Variants in ADAM12 observed in about 807,000 individuals in gnomAD.
ADAM12 encodes ADAM metallopeptidase domain 12.
Under a neutral mutation model 106.4 loss-of-function variants are expected in ADAM12, and 70 were observed. The observed-to-expected ratio is 0.66, with a 90% CI of 0.54 to 0.80. The LOEUF (loss-of-function observed/expected upper bound fraction) is 0.80. Ranked by LOEUF, ADAM12 falls within the 30% of genes least tolerant of loss-of-function variation. ADAM12 has a pLI of 0.00. For missense variants in ADAM12, 1,010 were observed against 1,171.9 expected (o/e 0.86, Z 2.02); for synonymous variants, 420 against 433.5 (o/e 0.97, Z 0.39).
At chr10:126,251,915 GAT>G (rs1958781484) in intron 3 of ADAM12, among the ~76,000 whole-genome samples, 1 of 119,548 alleles carries the variant, frequency 8.4e-6, no homozygotes, top group Admixed American at 8.5e-5. Context: ...AGGATGGATG[GAT>G]GGGATGGATA....
At position 126,049,202 on chromosome 10, in the gene ADAM12, G is replaced by A. The variant is rs1954406064; in HGVS notation, c.1917+51C>T. ...ACCCAGTTCTTGCTGTTTTTCAATG[G>A]GCCCTGTTCCAGACTTACATTTATG... On this transcript the variant is annotated intron_variant, in intron 16 of 22. Transcript: ENST00000448723. This position sits in a 1 kb window ranked among gnomAD's most constrained non-coding sequence, Gnocchi z 4.4. 6.3e-7 allele frequency: 1 copy of A among 1,599,214 alleles called. No individual in the cohort carries two copies.
intron 11 of ADAM12, among the ~76,000 whole-genome samples, chr10:126,089,748 G>A (rs973299433): frequency 1.3e-5 from 2 of 151,912 alleles, no homozygotes; most frequent in Non-Finnish European, 2.9e-5. Context: ...TGGCAGCAAG[G>A]TGTCCCCACA....
intron 3 of ADAM12, among the ~76,000 whole-genome samples, chr10:126,184,113 T>C (rs1312158007): frequency 6.6e-6 from 1 of 152,220 alleles, no homozygotes; most frequent in East Asian, 1.9e-4. Context: ...TGTGTCCCAT[T>C]GAAAGCAGAA....
chr10:126,214,760 T>C (rs1227793134), intron 3 of ADAM12, among the ~76,000 whole-genome samples: 1 of 152,242 alleles, frequency 6.6e-6, no homozygotes, highest in East Asian at 1.9e-4. Flanking sequence ...ATGACTCAGC[T>C]TGGAGTCCTA....
intron 11 of ADAM12, among the ~76,000 whole-genome samples, chr10:126,093,000 C>T (rs1303135051): frequency 3.3e-5 from 5 of 152,230 alleles, no homozygotes; most frequent in East Asian, 1.9e-4. Flanking sequence ...CCTCACACCA[C>T]GCTTGTCCCC....
chr10:126,337,394 T>A (rs1301656418), intron 1 of ADAM12, among the ~76,000 whole-genome samples: 1 of 152,156 alleles, frequency 6.6e-6, no homozygotes, highest in Non-Finnish European at 1.5e-5. Flanking sequence ...AAGTCACTGG[T>A]GCAAGTCCCA....
rs1196245312 is a variant in ADAM12 at position 126,271,701 on chromosome 10, G to T, written c.260+7214C>A. On this transcript the variant is annotated intron_variant, in intron 3 of 22. Coordinates refer to ENST00000448723, the MANE Select transcript of ADAM12 (RefSeq NM_001288973.2). ...GATCACCTGAGCCCAGAGCAGTCAA[G>T]GCTGCAGTGAGCTGTGATTCCACAA... Among the ~76,000 whole-genome samples, 3 of 152,348 alleles carry T rather than the reference G, an allele frequency of 2.0e-5. No homozygotes were observed. The East Asian group carries it at 5.8e-4, about 29-fold the overall frequency.
chr10:126,068,483 G>A (rs1421402406), intron 12 of ADAM12, among the ~76,000 whole-genome samples: 3 of 152,208 alleles, frequency 2.0e-5, no homozygotes, highest in African/African-American at 7.2e-5. Flanking sequence ...GATAATGTGA[G>A]AAAGATAACT....
At chr10:126,367,929 C>A (rs1227898257) in intron 1 of ADAM12, among the ~76,000 whole-genome samples, 4 of 151,734 alleles carry the variant, frequency 2.6e-5, no homozygotes, top group Non-Finnish European at 1.5e-5. Context: ...ACTTATGAGG[C>A]CAGTATAACC....
chr10:126,117,391 C>T (rs956643770), intron 6 of ADAM12, among the ~76,000 whole-genome samples: 3 of 152,128 alleles, frequency 2.0e-5, no homozygotes, highest in African/African-American at 7.2e-5. Flanking sequence ...TCAGCAGATC[C>T]AGGGGCTGGT....
chr10:126,202,043 G>C (rs1957711977), intron 3 of ADAM12, among the ~76,000 whole-genome samples: 1 of 152,218 alleles, frequency 6.6e-6, no homozygotes, highest in Admixed American at 6.5e-5. Context: ...AGGATGTACA[G>C]CACCAGTGCC....
chr10:126,230,642 A>G lies in ADAM12; in HGVS notation c.260+48273T>C, dbSNP rs577932634. ...TGAATTTTCATTTAAGTATAAATCA[A>G]TTGGAATGTTTTCCCACATATTCAT... On this transcript the variant is annotated intron_variant, in intron 3 of 22. Transcript: ENST00000448723. Among the ~76,000 whole-genome samples the G allele has an allele frequency of 4.6e-5, 7 of 152,340 alleles. No homozygotes were observed. In the South Asian group the frequency reaches 1.0e-3, roughly 23 times the overall value.
At chr10:126,110,066 A>G (rs1955842808) in intron 6 of ADAM12, among the ~76,000 whole-genome samples, 1 of 152,148 alleles carries the variant, frequency 6.6e-6, no homozygotes, top group Non-Finnish European at 1.5e-5. Flanking sequence ...AAAACCCTTA[A>G]AAAGGAGTTT....
intron 2 of ADAM12, among the ~76,000 whole-genome samples, chr10:126,329,914 A>G (rs1854442790): frequency 6.6e-6 from 1 of 152,184 alleles, no homozygotes; most frequent in African/African-American, 2.4e-5. Flanking sequence ...CAAGATATTA[A>G]ATTTAATCAC....
intron 3 of ADAM12, among the ~76,000 whole-genome samples, chr10:126,266,249 T>G (rs1959094854): frequency 6.6e-6 from 1 of 152,148 alleles, no homozygotes; most frequent in Non-Finnish European, 1.5e-5. Context: ...CTCCCATTGC[T>G]GATGCTGGGG....
chr10:126,320,798 A>G (rs937884489), intron 2 of ADAM12, among the ~76,000 whole-genome samples: 2 of 152,232 alleles, frequency 1.3e-5, no homozygotes, highest in Non-Finnish European at 2.9e-5. Context: ...TTATTAAAAA[A>G]TGTCAGGCTT....
chr10:126,069,109 C>T (rs568424104), intron 12 of ADAM12, among the ~76,000 whole-genome samples: 25 of 152,280 alleles, frequency 1.6e-4, no homozygotes, highest in Non-Finnish European at 2.4e-4. Context: ...AGGGCCTGAG[C>T]ACTGGGTAGG....
intron 3 of ADAM12, among the ~76,000 whole-genome samples, chr10:126,246,811 A>C (rs541162492): frequency 6.6e-6 from 1 of 151,318 alleles, no homozygotes; most frequent in African/African-American, 2.5e-5. Context: ...ATTCCCTTTG[A>C]AAACTAGCAC....
chr10:126,183,388 G>C (rs114948851), intron 3 of ADAM12, among the ~76,000 whole-genome samples: 1 of 152,176 alleles, frequency 6.6e-6, no homozygotes, highest in African/African-American at 2.4e-5. Context: ...GGGGACCACT[G>C]CACTAGAACA....
Sources: gnomAD v4.1 joint callset for allele counts (sites outside exome capture counted in the v4.1 genomes callset) on GRCh38, gnomAD v4.1.1 for gene constraint, Gnocchi (gnomAD v3.1) non-coding constraint, MANE v1.5 for transcripts, NCBI Gene and HGNC (gene_info 2026-07-23, HGNC 2026-07-21) for gene names.